Variants in COPA observed in about 807,000 individuals in gnomAD.
COPA encodes the protein coat protein complex I subunit alpha, also known as coatomer subunit alpha.
COPA carries 10 observed loss-of-function variants against 158.7 expected under a neutral mutation model. That is an observed-to-expected ratio of 0.06 (90% CI 0.04 to 0.11). COPA has a LOEUF of 0.11. Ranked by LOEUF, COPA falls within the 10% of genes least tolerant of loss-of-function variation. The pLI, the probability that COPA is intolerant of heterozygous loss-of-function variation, is 1.00. For synonymous variants in COPA, 462 were observed against 542.8 expected (o/e 0.85, Z 2.07); for missense variants, 1,065 against 1,536.7 (o/e 0.69, Z 5.13).
At chr1:160,343,095 T>C (rs1378218961) in intron 1 of COPA, 36 bp downstream of exon 1, 9 of 1,613,818 alleles carry the variant, frequency 5.6e-6, no homozygotes, top group Non-Finnish European at 7.6e-6. Flanking sequence ...GCTCCTGACA[T>C]CCAACCTCCA....
intron 17 of COPA, 60 bp downstream of exon 17, chr1:160,305,373 C>A (rs1434529942): frequency 6.4e-7 from 1 of 1,550,778 alleles, no homozygotes; most frequent in Non-Finnish European, 8.8e-7. Context: ...CATCTCAAGA[C>A]AAGACAGTGA....
chr1:160,331,640 C>T (rs1218781883), intron 6 of COPA, among the ~76,000 whole-genome samples: 2 of 141,964 alleles, frequency 1.4e-5, no homozygotes, highest in Non-Finnish European at 3.0e-5. Flanking sequence ...CAGAGTGAGA[C>T]TCCATCTCAA....
In COPA at chr1:160,333,343, T is replaced by A. The variant is rs139254019; in HGVS notation, c.386+260A>T. 1.1e-3 allele frequency: 388 copies of A among 354,626 alleles called. 3 individuals carry two copies. Among genetic ancestry groups the A allele is most frequent in the African/African-American group, 6.3e-3 (299 of 47,142 alleles). 22.0% of individuals were successfully genotyped at this position (354,626 alleles called of 1,614,324 possible). On this transcript the variant is annotated intron_variant, in intron 5 of 32. Transcript: ENST00000241704. ...GACTCAGGTTTTATGGGAAAATAAT[T>A]GAAAACCAGCTAAAAGTTCTTGTTC...
intron 8 of COPA, among the ~76,000 whole-genome samples, chr1:160,320,014 G>C (rs917767921): frequency 2.7e-5 from 4 of 145,550 alleles, no homozygotes; most frequent in African/African-American, 1.0e-4. Context: ...TAAATTAGTA[G>C]AAGAAAACAA....
intron 12 of COPA, 137 bp downstream of exon 12, chr1:160,310,055 C>G (rs1466707316): frequency 7.9e-6 from 4 of 507,368 alleles, no homozygotes; most frequent in Non-Finnish European, 1.4e-5. Flanking sequence ...ATTTGAGTCT[C>G]TGAGTGATCA....
intron 1 of COPA, among the ~76,000 whole-genome samples, chr1:160,340,842 A>G (rs56333230): frequency 0.033 from 5,010 of 152,182 alleles, 274 homozygotes; most frequent in African/African-American, 0.11. Context: ...GCAGATCTCT[A>G]GTGCTCTCTC....
At chr1:160,335,393 T>G (rs1647710086) in intron 3 of COPA, 71 bp from the exon 4 acceptor site, 2 of 1,207,616 alleles carry the variant, frequency 1.7e-6, no homozygotes, top group East Asian at 2.6e-5. Context: ...GAAATTGATA[T>G]CTTTACAGAG....
At chr1:160,323,925 G>A (rs1465022467) in intron 7 of COPA, among the ~76,000 whole-genome samples, 6 of 151,042 alleles carry the variant, frequency 4.0e-5, no homozygotes, top group Non-Finnish European at 8.9e-5. Context: ...GCAGTGGCAC[G>A]ATCTCAGCTC....
chr1:160,308,511 T>G (rs1658864905), intron 13 of COPA, among the ~76,000 whole-genome samples: 1 of 152,166 alleles, frequency 6.6e-6, no homozygotes, highest in South Asian at 2.1e-4. Flanking sequence ...CTGGAAGAAG[T>G]GCACCCAAAA....
Position 160,290,089 on chromosome 1 carries a change from G to T in COPA, c.*68C>A. ...TAGCTGCAGGGGGAAGGTGCTGTTAGAAGGAGGATATAGACACATTCTCTG... is the reference window on the plus strand; with the variant it reads ...TAGCTGCAGGGGGAAGGTGCTGTTATAAGGAGGATATAGACACATTCTCTG... On this transcript the variant is annotated 3_prime_UTR_variant, in exon 33 of 33. Transcript: ENST00000241704. The T allele has an allele frequency of 7.0e-7, 1 of 1,431,152 alleles. No homozygotes were observed. Among genetic ancestry groups the T allele is most frequent in the Non-Finnish European group, 9.8e-7 (1 of 1,016,994 alleles). 88.7% of individuals were successfully genotyped at this position (1,431,152 alleles called of 1,614,324 possible).
chr1:160,308,805 G>A, intron 13 of COPA: 1 of 322,412 alleles, frequency 3.1e-6, no homozygotes, highest in East Asian at 6.0e-5. Context: ...CTACCAGGGT[G>A]AAAGTCATAT....
chr1:160,290,341 C>A, intron 32 of COPA, 125 bp from the exon 33 acceptor site: 1 of 1,376,102 alleles, frequency 7.3e-7, no homozygotes, highest in Non-Finnish European at 1.0e-6. Flanking sequence ...ACTGACTGGC[C>A]AAGAGCAGTG....
chr1:160,310,149 T>A (rs776045012), intron 12 of COPA, 43 bp downstream of exon 12: 2 of 1,285,468 alleles, frequency 1.6e-6, no homozygotes, highest in East Asian at 2.6e-5. Flanking sequence ...AAGAGACCTA[T>A]GGAAAATGAG....
intron 10 of COPA, among the ~76,000 whole-genome samples, chr1:160,312,397 T>C (rs1658995981): frequency 6.6e-6 from 1 of 152,202 alleles, no homozygotes. Flanking sequence ...GTCTCTAGCA[T>C]ATAAAAAGAG....
intron 23 of COPA, 123 bp from the exon 24 acceptor site, chr1:160,294,980 A>C: frequency 1.4e-6 from 1 of 695,526 alleles, no homozygotes; most frequent in Non-Finnish European, 2.5e-6. Context: ...CTTACTATTT[A>C]TTTTTGTGTA....
chr1:160,295,630 C>A, intron 23 of COPA, 106 bp downstream of exon 23: 1 of 1,134,056 alleles, frequency 8.8e-7, no homozygotes, highest in South Asian at 2.1e-5. Context: ...CCATTAGGCT[C>A]CATGCAGAAA....
chr1:160,300,168 C>T (rs1479382139), intron 17 of COPA, among the ~76,000 whole-genome samples: 9 of 151,682 alleles, frequency 5.9e-5, no homozygotes, highest in Admixed American at 1.3e-4. Flanking sequence ...GGTGAAACCC[C>T]GTCTCTACTA....
At chr1:160,326,109 A>G (rs561008494) in intron 6 of COPA, 1 of 165,994 alleles carries the variant, frequency 6.0e-6, no homozygotes, top group South Asian at 1.6e-4. Context: ...TTTTTTAAAG[A>G]ATAGTCAAGT....
Position 160,297,084 on chromosome 1 carries a change from C to T in COPA, c.2263+259G>A, listed in dbSNP as rs1307740874. Among the ~76,000 whole-genome samples the T allele has an allele frequency of 6.6e-5, 10 of 152,250 alleles. No individual in the cohort carries two copies. In the East Asian group the frequency reaches 1.4e-3, roughly 21 times the overall value. On this transcript the variant is annotated intron_variant, in intron 21 of 32. Transcript: ENST00000241704. Reference sequence around the variant, plus strand: ...CAACCAAGTGCATTTACTAGGGCGTCCACTCAAGACCTTTTAAAACCTCCT... The same window carrying T: ...CAACCAAGTGCATTTACTAGGGCGTTCACTCAAGACCTTTTAAAACCTCCT...
Sources: allele counts gnomAD v4.1 joint callset (sites outside exome capture counted in the v4.1 genomes callset), GRCh38; gene constraint gnomAD v4.1.1; transcripts MANE v1.5; gene names NCBI Gene and HGNC (gene_info 2026-07-23, HGNC 2026-07-21).